Variants in BANP observed in about 807,000 individuals in gnomAD.
BANP encodes protein BANP.
In BANP, 11 loss-of-function variants were observed where a neutral mutation model predicts 68.1. The observed-to-expected ratio is 0.16, with a 90% CI of 0.10 to 0.27. BANP has a LOEUF of 0.27. Among genes scored for constraint, BANP ranks in the 10% least tolerant of loss-of-function variants. The pLI, the probability that BANP is intolerant of heterozygous loss-of-function variation, is 1.00. For synonymous variants in BANP, 329 were observed against 303.2 expected (o/e 1.09, Z -0.88); for missense variants, 504 against 722.7 (o/e 0.70, Z 3.47).
At chr16:87,966,801 T>C (rs1201711425) in intron 1 of BANP, 1 of 152,350 alleles carries the variant, frequency 6.6e-6, no homozygotes, top group Non-Finnish European at 1.5e-5. Flanking sequence ...GGGTTTAGTC[T>C]GGCTGCACGT....
At chr16:88,075,549 G>A (rs1273764334) in intron 13 of BANP, among the ~76,000 whole-genome samples, 1 of 152,072 alleles carries the variant, frequency 6.6e-6, no homozygotes, top group Non-Finnish European at 1.5e-5. Context: ...GAAGTTGCCA[G>A]GCCTCTTCCT....
chr16:87,951,938 C>T (rs1032269771), intron 1 of BANP, among the ~76,000 whole-genome samples: 1 of 152,192 alleles, frequency 6.6e-6, no homozygotes, highest in African/African-American at 2.4e-5. Flanking sequence ...TCCTGCCAGC[C>T]AGGCGGGAGC....
chr16:88,074,300 G>A (rs1198700378), intron 13 of BANP, among the ~76,000 whole-genome samples: 9 of 152,208 alleles, frequency 5.9e-5, no homozygotes, highest in Admixed American at 5.9e-4. Context: ...GAAAACCTGT[G>A]GCTCAGCTGT....
Position 88,027,643 on chromosome 16 carries a change from C to A in BANP, c.1056C>A (p.Cys352Ter), listed in dbSNP as rs2077251544. ...SRRTPNSSSYCPSEPMMSTPP... is the reference protein window; with the variant it reads ...SRRTPNSSSY ...GAACGCCCAACTCGTCCTCCTACTG[C>A]CCTTCAGGTAGGCCTCGTGCTGCAG... Residue 352 changes from cysteine to a stop codon, truncating the protein, a stop_gained, in exon 8 of 14, where the codon TGC becomes TGA. Transcript: ENST00000682872. LOFTEE classifies it high-confidence loss of function. The A allele has an allele frequency of 6.2e-7, 1 of 1,613,124 alleles. No homozygotes were observed. Among genetic ancestry groups the A allele is most frequent in the Admixed American group, 1.7e-5 (1 of 60,004 alleles).
intron 11 of BANP, among the ~76,000 whole-genome samples, chr16:88,049,638 C>G (rs1014361586): frequency 2.6e-5 from 4 of 152,172 alleles, no homozygotes; most frequent in Non-Finnish European, 5.9e-5. Flanking sequence ...AAGAGACGAA[C>G]CAGGGCTGTG....
At chr16:88,059,848 T>C (rs1332030773) in intron 11 of BANP, among the ~76,000 whole-genome samples, 3 of 151,906 alleles carry the variant, frequency 2.0e-5, no homozygotes, top group African/African-American at 7.2e-5. Flanking sequence ...TGAGTGCGCC[T>C]AGGTCAGATG....
At chr16:88,024,201 C>G (rs1208655796) in intron 7 of BANP, among the ~76,000 whole-genome samples, 2 of 152,192 alleles carry the variant, frequency 1.3e-5, no homozygotes, top group African/African-American at 4.8e-5. Context: ...CCCCGAGCAC[C>G]TCTCATGGGT....
chr16:88,016,858 C>T (rs573465600), intron 6 of BANP, among the ~76,000 whole-genome samples: 27 of 152,340 alleles, frequency 1.8e-4, no homozygotes, highest in African/African-American at 6.5e-4. Flanking sequence ...GCTCCTTACT[C>T]ATCTGTGTCC....
chr16:87,978,551 G>A (rs998328710), intron 2 of BANP: 1 of 462,894 alleles, frequency 2.2e-6, no homozygotes, highest in African/African-American at 2.0e-5. Flanking sequence ...GTTTCATTAA[G>A]TGAGAATTCA....
intron 11 of BANP, among the ~76,000 whole-genome samples, chr16:88,041,494 A>T (rs1376249394): frequency 6.6e-6 from 1 of 152,216 alleles, no homozygotes; most frequent in African/African-American, 2.4e-5. Flanking sequence ...TCTGAGTAGA[A>T]AATATGAAGA....
At position 88,071,815 on chromosome 16, in the gene BANP, C is replaced by G; in HGVS notation, c.1378-254C>G. The G allele has an allele frequency of 4.4e-6, 3 of 678,712 alleles. No homozygotes were observed. The highest frequency in any genetic ancestry group is 1.8e-5 in the African/African-American group (1 of 56,188). The allele number at this position is 678,712 out of a possible 1,614,324, so 42.0% of individuals were successfully genotyped here. On this transcript the variant is annotated intron_variant, in intron 12 of 13. Transcript: ENST00000682872. The surrounding 1 kb of genome is among the most constrained non-coding windows in gnomAD (Gnocchi z 6.5). ...TTTTTTTTTTTCCCTTTTTTCTGCTCTGTAGGTGCTTGAGGGCGGAGTTGC... is the reference window on the plus strand; with the variant it reads ...TTTTTTTTTTTCCCTTTTTTCTGCTGTGTAGGTGCTTGAGGGCGGAGTTGC...
chr16:87,985,240 T>G (rs563558003), intron 4 of BANP, among the ~76,000 whole-genome samples: 2 of 152,276 alleles, frequency 1.3e-5, no homozygotes, highest in South Asian at 4.1e-4. Flanking sequence ...CTTTGAACTC[T>G]CGGGCATGCC....
Position 88,006,385 on chromosome 16 carries a change from G to A in BANP, c.655+120G>A, listed in dbSNP as rs534604848. On this transcript the variant is annotated intron_variant, in intron 6 of 13. Coordinates refer to ENST00000682872, the MANE Select transcript of BANP (RefSeq NM_001386991.1). ...ACAGTGGCCAGGCGCGGTGGCTCAC[G>A]CCTGTAATCCCAGCACTTTGGGAGG... The A allele has an allele frequency of 3.3e-5, 40 of 1,198,280 alleles. No individual in the cohort carries two copies. The Middle Eastern group carries it at 1.4e-3, about 42-fold the overall frequency. The allele number at this position is 1,198,280 out of a possible 1,614,324, so 74.2% of individuals were successfully genotyped here.
At chr16:87,956,611 G>C (rs1413475423) in intron 1 of BANP, 1 of 152,214 alleles carries the variant, frequency 6.6e-6, no homozygotes, top group Non-Finnish European at 1.5e-5. Context: ...GAGAAGAATG[G>C]GGCGAGTGAT....
intron 6 of BANP, among the ~76,000 whole-genome samples, chr16:88,009,561 C>T (rs911439721): frequency 6.6e-6 from 1 of 152,176 alleles, no homozygotes; most frequent in African/African-American, 2.4e-5. Flanking sequence ...TTTGTCATTA[C>T]ACACGCTCCA....
At chr16:88,039,005 G>T (rs558756370) in intron 11 of BANP, among the ~76,000 whole-genome samples, 1 of 152,180 alleles carries the variant, frequency 6.6e-6, no homozygotes, top group African/African-American at 2.4e-5. Flanking sequence ...TCTCTGACCC[G>T]ACTGAGCCTG....
rs1201611708 is a variant in BANP, at chr16:88,035,960, T to C, written c.1272+566T>C. On this transcript the variant is annotated intron_variant, in intron 10 of 13. Coordinates refer to ENST00000682872, the MANE Select transcript of BANP (RefSeq NM_001386991.1). Reference sequence around the variant, plus strand: ...CTCTACCCGGCCACGCACTCAGAAGTGCGGGCTCAGCTGCTGTTGGGGTCT... The same window carrying C: ...CTCTACCCGGCCACGCACTCAGAAGCGCGGGCTCAGCTGCTGTTGGGGTCT... Among the ~76,000 whole-genome samples, 3 of 152,314 alleles carry C rather than the reference T, an allele frequency of 2.0e-5. No homozygotes were observed. The East Asian group carries it at 5.8e-4, about 29-fold the overall frequency.
At chr16:87,981,990 A>C (rs1411150853) in intron 3 of BANP, among the ~76,000 whole-genome samples, 2 of 152,246 alleles carry the variant, frequency 1.3e-5, no homozygotes, top group African/African-American at 4.8e-5. Flanking sequence ...TCTTCTACTT[A>C]CACAGGGTGT....
intron 4 of BANP, among the ~76,000 whole-genome samples, chr16:87,995,204 C>CG (rs2066863445): frequency 6.6e-6 from 1 of 152,224 alleles, no homozygotes; most frequent in African/African-American, 2.4e-5. Context: ...TCTGGATGTG[C>CG]GGGGGCTCCC....
Sources: allele counts gnomAD v4.1 joint callset (sites outside exome capture counted in the v4.1 genomes callset), GRCh38; gene constraint gnomAD v4.1.1; non-coding constraint Gnocchi (gnomAD v3.1); transcripts MANE v1.5; gene names NCBI Gene and HGNC (gene_info 2026-07-23, HGNC 2026-07-21).